Variants in HDAC9 observed in about 807,000 individuals in gnomAD.
The protein encoded by HDAC9 is MEF-2 interacting transcription repressor (MITR) protein.
Under a neutral mutation model 139.4 loss-of-function variants are expected in HDAC9, and 41 were observed. The observed-to-expected ratio is 0.29, with a 90% CI of 0.23 to 0.38. The LOEUF is 0.38. Ranked by LOEUF, HDAC9 falls within the 10% of genes least tolerant of loss-of-function variation. The pLI is 1.00. For missense variants in HDAC9, 1,147 were observed against 1,297.0 expected (o/e 0.88, Z 1.78); for synonymous variants, 517 against 476.2 (o/e 1.09, Z -1.12).
At chr7:18,605,806 G>A (rs755775225) in intron 6 of HDAC9, among the ~76,000 whole-genome samples, 5 of 152,116 alleles carry the variant, frequency 3.3e-5, no homozygotes, top group Non-Finnish European at 5.9e-5. Flanking sequence ...TCAGCCTCCC[G>A]AGTAGCTGGG....
chr7:18,161,371 G>A (rs998006076), intron 1 of HDAC9, among the ~76,000 whole-genome samples: 1 of 152,246 alleles, frequency 6.6e-6, no homozygotes, highest in East Asian at 1.9e-4. Context: ...CAATAAATAC[G>A]TTGGATTCTG....
chr7:18,964,594 A>G (rs1419828880), intron 24 of HDAC9, among the ~76,000 whole-genome samples: 1 of 152,210 alleles, frequency 6.6e-6, no homozygotes, highest in Non-Finnish European at 1.5e-5. Flanking sequence ...ACACTGGGCA[A>G]TTTATAAAGA....
At chr7:18,245,505 A>C (rs1473511577) in intron 2 of HDAC9, among the ~76,000 whole-genome samples, 1 of 152,152 alleles carries the variant, frequency 6.6e-6, no homozygotes, top group Non-Finnish European at 1.5e-5. Flanking sequence ...GGAGAATGGC[A>C]TGAACCCGGA....
chr7:18,638,602 C>G (rs538166576), intron 8 of HDAC9, among the ~76,000 whole-genome samples: 1 of 151,992 alleles, frequency 6.6e-6, no homozygotes, highest in Admixed American at 6.6e-5. Context: ...TTTAAGGAAT[C>G]AGTGTTTGGA....
chr7:18,250,079 G>A (rs141875645), intron 2 of HDAC9, among the ~76,000 whole-genome samples: 3 of 152,172 alleles, frequency 2.0e-5, no homozygotes, highest in African/African-American at 7.2e-5. Flanking sequence ...GATCAGTGGT[G>A]GACTATTGAA....
chr7:18,540,068 G>A (rs1443399436), intron 2 of HDAC9, among the ~76,000 whole-genome samples: 3 of 143,594 alleles, frequency 2.1e-5, no homozygotes, highest in Non-Finnish European at 4.5e-5. Context: ...GACCAGCCTG[G>A]CCAACATGTT....
At chr7:18,510,031 A>T (rs1316111710) in intron 2 of HDAC9, among the ~76,000 whole-genome samples, 4 of 152,184 alleles carry the variant, frequency 2.6e-5, no homozygotes, top group East Asian at 1.9e-4. Context: ...TGGTATTTTT[A>T]AAAAATGATT....
intron 1 of HDAC9, 48 bp downstream of exon 1, chr7:18,496,071 C>T: frequency 7.0e-7 from 1 of 1,424,516 alleles, no homozygotes; most frequent in South Asian, 1.5e-5. Flanking sequence ...AGTGGATGCC[C>T]ATTTGAGCAG....
intron 16 of HDAC9, among the ~76,000 whole-genome samples, chr7:18,787,866 T>C (rs1307862095): frequency 1.3e-5 from 2 of 152,240 alleles, no homozygotes; most frequent in African/African-American, 4.8e-5. Context: ...TAATAATCTA[T>C]CAGCCTCTTC....
chr7:18,919,826 C>G (rs1803529195), intron 22 of HDAC9, among the ~76,000 whole-genome samples: 1 of 151,782 alleles, frequency 6.6e-6, no homozygotes, highest in African/African-American at 2.4e-5. Flanking sequence ...TAAAAGTTGT[C>G]AAAGGCTCTC....
intron 2 of HDAC9, among the ~76,000 whole-genome samples, chr7:18,180,366 G>C (rs1328281403): frequency 1.3e-5 from 2 of 151,694 alleles, no homozygotes; most frequent in Non-Finnish European, 2.9e-5. Flanking sequence ...TGGACCTTGT[G>C]CTAGCAACTT....
chr7:18,624,753 T>C (rs915134371), intron 6 of HDAC9, among the ~76,000 whole-genome samples: 14 of 151,668 alleles, frequency 9.2e-5, no homozygotes, highest in African/African-American at 3.4e-4. Context: ...TCTGCTTGGG[T>C]ATATATCATG....
At chr7:18,746,743 A>G (rs1788008539) in intron 13 of HDAC9, among the ~76,000 whole-genome samples, 1 of 152,194 alleles carries the variant, frequency 6.6e-6, no homozygotes, top group South Asian at 2.1e-4. Flanking sequence ...GCTTTATTTA[A>G]GCTTGTTTAT....
At chr7:18,768,638 G>A (rs1790027865) in intron 16 of HDAC9, among the ~76,000 whole-genome samples, 1 of 152,102 alleles carries the variant, frequency 6.6e-6, no homozygotes. Flanking sequence ...GAGAATGGCT[G>A]CCTACCTGTA....
At chr7:18,551,889 G>A (rs1817259454) in intron 2 of HDAC9, among the ~76,000 whole-genome samples, 1 of 152,126 alleles carries the variant, frequency 6.6e-6, no homozygotes, top group Non-Finnish European at 1.5e-5. Context: ...ATTCTAGGAG[G>A]CTGGATTGAA....
At chr7:18,796,816 A>T (rs1792845706) in intron 17 of HDAC9, among the ~76,000 whole-genome samples, 1 of 152,228 alleles carries the variant, frequency 6.6e-6, no homozygotes, top group Admixed American at 6.5e-5. Context: ...CATAAATAAA[A>T]AAGGATTGAT....
At chr7:18,473,002 C>G (rs1381925970) in intron 1 of HDAC9, among the ~76,000 whole-genome samples, 3 of 152,130 alleles carry the variant, frequency 2.0e-5, no homozygotes, top group Non-Finnish European at 4.4e-5. Context: ...CACAGCAATC[C>G]AGATAGACTC....
At chr7:18,803,703 T>C (rs981707410) in intron 17 of HDAC9, among the ~76,000 whole-genome samples, 1 of 152,166 alleles carries the variant, frequency 6.6e-6, no homozygotes, top group Non-Finnish European at 1.5e-5. Context: ...TTTCTTTTAA[T>C]GTCTTCTTTT....
intron 1 of HDAC9, among the ~76,000 whole-genome samples, chr7:18,437,041 G>C (rs1283860045): frequency 3.3e-5 from 5 of 152,120 alleles, no homozygotes; most frequent in Non-Finnish European, 7.4e-5. Flanking sequence ...TTAAAACTCT[G>C]TAAATTTCCT....
Sources: allele counts gnomAD v4.1 joint callset (sites outside exome capture counted in the v4.1 genomes callset), GRCh38; gene constraint gnomAD v4.1.1; transcripts MANE v1.5; gene names NCBI Gene and HGNC (gene_info 2026-07-23, HGNC 2026-07-21).